The following KLHL1 variants were observed in gnomAD, a reference collection of about 807,000 sequenced individuals.
KLHL1 encodes kelch-like protein 1.
KLHL1 carries 47 observed loss-of-function variants against 77.7 expected under a neutral mutation model. The observed-to-expected ratio is 0.60, with a 90% CI of 0.48 to 0.77. The LOEUF is 0.77. KLHL1 is among the 30% of genes least tolerant of loss of function. The pLI, the probability that KLHL1 is intolerant of heterozygous loss-of-function variation, is 0.00. For missense variants in KLHL1, 925 were observed against 910.8 expected, an observed-to-expected ratio of 1.02 and a Z score of -0.20; for synonymous variants, 360 against 325.2, an observed-to-expected ratio of 1.11 and a Z score of -1.15.
intron 1 of KLHL1, among the ~76,000 whole-genome samples, chr13:69,977,498 C>T (rs923675855): frequency 4.0e-5 from 6 of 151,862 alleles, no homozygotes; most frequent in Admixed American, 6.6e-5. Flanking sequence ...AAACAAAAAA[C>T]GGTAAAATTA....
chr13:70,105,896 A>G (rs1456490247), intron 1 of KLHL1, among the ~76,000 whole-genome samples: 1 of 150,854 alleles, frequency 6.6e-6, no homozygotes, highest in South Asian at 2.1e-4. Context: ...TCCAGATTAT[A>G]CTTCTCCCTC....
In KLHL1 at chr13:69,917,184, G is replaced by A. The variant is rs922655154; in HGVS notation, c.1014+22856C>T. Among the ~76,000 whole-genome samples the A allele has an allele frequency of 2.0e-5, 3 of 151,884 alleles. No individual in the cohort carries two copies. The East Asian group carries it at 5.8e-4, about 29-fold the overall frequency. On this transcript the variant is annotated intron_variant, in intron 4 of 10. Transcript: ENST00000377844. ...TAGCAAGTCAAAATTTTTATGAGAA[G>A]TAGAGTTATCTGTATATTCTTCTAT...
chr13:69,938,783 C>T (rs1459549583), intron 4 of KLHL1, among the ~76,000 whole-genome samples: 1 of 152,098 alleles, frequency 6.6e-6, no homozygotes, highest in East Asian at 1.9e-4. Context: ...AATTGCATAT[C>T]TTCTTCCTTT....
chr13:69,896,615 A>G (rs564452793), intron 4 of KLHL1, among the ~76,000 whole-genome samples: 265 of 152,274 alleles, frequency 1.7e-3, no homozygotes, highest in African/African-American at 5.9e-3. Context: ...GTACTCTACT[A>G]CAGAACATAA....
chr13:69,871,236 G>A (rs1483616584), intron 5 of KLHL1, among the ~76,000 whole-genome samples: 1 of 152,158 alleles, frequency 6.6e-6, no homozygotes, highest in Non-Finnish European at 1.5e-5. Context: ...CACAGCTGGA[G>A]CAGCCTGGAT....
At chr13:70,085,116 T>C (rs1014693459) in intron 1 of KLHL1, among the ~76,000 whole-genome samples, 14 of 152,090 alleles carry the variant, frequency 9.2e-5, no homozygotes, top group African/African-American at 3.4e-4. Context: ...TGTGTATGGA[T>C]ATATGTATGT....
At chr13:70,074,537 C>T (rs1031150656) in intron 1 of KLHL1, among the ~76,000 whole-genome samples, 1 of 151,936 alleles carries the variant, frequency 6.6e-6, no homozygotes, top group Non-Finnish European at 1.5e-5. Context: ...AAAGGGGACA[C>T]AGGTATTAGA....
intron 1 of KLHL1, among the ~76,000 whole-genome samples, chr13:70,058,123 G>A (rs1284845240): frequency 2.6e-5 from 4 of 152,120 alleles, no homozygotes; most frequent in Non-Finnish European, 5.9e-5. Flanking sequence ...CAGTCCCACA[G>A]GTAGTATCAT....
intron 5 of KLHL1, among the ~76,000 whole-genome samples, chr13:69,843,708 T>C (rs1879352013): frequency 6.6e-6 from 1 of 151,936 alleles, no homozygotes; most frequent in Non-Finnish European, 1.5e-5. Context: ...AAGTACAAGA[T>C]TGATTAAATG....
At position 69,842,545 on chromosome 13, in the gene KLHL1, A is replaced by T. The variant is rs535582633; in HGVS notation, c.1228-3383T>A. Among the ~76,000 whole-genome samples, 511 of 151,860 alleles carry T rather than the reference A, an allele frequency of 3.4e-3. 2 individuals carry two copies. Among genetic ancestry groups the T allele is most frequent in the African/African-American group, 0.011 (472 of 41,532 alleles). On this transcript the variant is annotated intron_variant, in intron 5 of 10. Coordinates refer to ENST00000377844, the MANE Select transcript of KLHL1 (RefSeq NM_020866.3). ...ATTTAAGAAGACAAAAAATAACATG[A>T]TGGTGTGAATGAGGAGAAAATGAAA...
chr13:70,083,606 T>C (rs1190150876), intron 1 of KLHL1, among the ~76,000 whole-genome samples: 2 of 152,198 alleles, frequency 1.3e-5, no homozygotes, highest in African/African-American at 2.4e-5. Context: ...ACAGGGTATA[T>C]GCTGTCTAAA....
rs1204020959 is a variant in KLHL1, at chr13:69,931,656, A to G, written c.1014+8384T>C. On this transcript the variant is annotated intron_variant, in intron 4 of 10. Coordinates refer to ENST00000377844, the MANE Select transcript of KLHL1 (RefSeq NM_020866.3). ...TCTTTGTTGGCTCACTAGGTTTTAT[A>G]TTTGTTCCTCAATAGTATGGTGATA... 4.0e-5 allele frequency among the ~76,000 whole-genome samples: 6 copies of G among 151,736 alleles called. No individual in the cohort carries two copies. The East Asian group carries it at 1.2e-3, about 29-fold the overall frequency.
intron 1 of KLHL1, among the ~76,000 whole-genome samples, chr13:70,040,091 T>A (rs1193801465): frequency 2.6e-5 from 4 of 152,140 alleles, no homozygotes; most frequent in Non-Finnish European, 4.4e-5. Flanking sequence ...CTTATGTCTC[T>A]TTACCCTCCT....
chr13:70,015,198 A>G (rs755755433), intron 1 of KLHL1, among the ~76,000 whole-genome samples: 1 of 152,174 alleles, frequency 6.6e-6, no homozygotes, highest in Non-Finnish European at 1.5e-5. Flanking sequence ...TGAACATCAT[A>G]GAGTGGACTT....
chr13:69,941,521 T>C (rs980824522), intron 3 of KLHL1, among the ~76,000 whole-genome samples: 3 of 151,798 alleles, frequency 2.0e-5, no homozygotes, highest in Non-Finnish European at 4.4e-5. Context: ...AGAGCACAAA[T>C]AGAGAATCTA....
intron 1 of KLHL1, among the ~76,000 whole-genome samples, chr13:70,013,241 C>A (rs1224170086): frequency 6.6e-6 from 1 of 152,024 alleles, no homozygotes. Context: ...GAAAGCAATT[C>A]TATACATTAA....
intron 7 of KLHL1, among the ~76,000 whole-genome samples, chr13:69,765,326 C>T: frequency 6.6e-6 from 1 of 151,944 alleles, no homozygotes; most frequent in East Asian, 1.9e-4. Context: ...TAATATGAAA[C>T]ACATATTGAT....
At chr13:69,800,139 C>CCAT (rs1877311831) in intron 6 of KLHL1, among the ~76,000 whole-genome samples, 2 of 152,308 alleles carry the variant, frequency 1.3e-5, no homozygotes, top group African/African-American at 2.4e-5. Context: ...CCTTGTTACT[C>CCAT]CATCTTCTAT....
chr13:69,819,848 C>A (rs1878265220), intron 6 of KLHL1, among the ~76,000 whole-genome samples: 1 of 152,084 alleles, frequency 6.6e-6, no homozygotes, highest in African/African-American at 2.4e-5. Flanking sequence ...TGTTTTGGCT[C>A]CAAAGATCAG....
Sources: allele counts gnomAD v4.1 joint callset (sites outside exome capture counted in the v4.1 genomes callset), GRCh38; gene constraint gnomAD v4.1.1; transcripts MANE v1.5; gene names NCBI Gene and HGNC (gene_info 2026-07-23, HGNC 2026-07-21).